The following MICAL2 variants were observed in gnomAD, a reference collection of about 807,000 sequenced individuals.
MICAL2 encodes [F-actin]-monooxygenase MICAL2.
MICAL2 carries 77 observed loss-of-function variants against 127.3 expected under a neutral mutation model. The ratio of observed to expected loss-of-function variants is 0.60; its 90% CI spans 0.50 to 0.73. The LOEUF (loss-of-function observed/expected upper bound fraction) is 0.73, where lower values mean the gene tolerates loss of function less well. Ranked by LOEUF, MICAL2 falls within the 30% of genes least tolerant of loss-of-function variation. MICAL2 has a pLI of 0.00. For synonymous variants in MICAL2, 570 were observed against 551.1 expected (o/e 1.03, Z -0.48); for missense variants, 1,351 against 1,434.4 (o/e 0.94, Z 0.94).
In MICAL2 at chr11:12,160,113, C is replaced by T. The variant is rs79142992; in HGVS notation, c.-77-1966C>T. Reference sequence around the variant, plus strand: ...AGTGCCAGGCACCTCGGAAGCTCTCCGGGAAAGAGGGAAGGTCGGGTAGGG... The same window carrying T: ...AGTGCCAGGCACCTCGGAAGCTCTCTGGGAAAGAGGGAAGGTCGGGTAGGG... On this transcript the variant is annotated intron_variant, in intron 2 of 27. Coordinates refer to ENST00000683283, the MANE Select transcript of MICAL2 (RefSeq NM_001282663.2). Among the ~76,000 whole-genome samples, 439 of 152,228 alleles carry T rather than the reference C, an allele frequency of 2.9e-3. 8 individuals carry two copies. In the East Asian group the frequency reaches 0.047, roughly 16 times the overall value.
chr11:12,230,626 T>G (rs1437478346), intron 15 of MICAL2, among the ~76,000 whole-genome samples: 1 of 152,214 alleles, frequency 6.6e-6, no homozygotes, highest in African/African-American at 2.4e-5. Flanking sequence ...TGTGGCATCT[T>G]CATCTGAAGA....
chr11:12,157,530 G>A (rs984323103), intron 2 of MICAL2, among the ~76,000 whole-genome samples: 1 of 152,130 alleles, frequency 6.6e-6, no homozygotes, highest in East Asian at 1.9e-4. Flanking sequence ...GGCTATTCTT[G>A]GAAACTTAAA....
At chr11:12,295,201 A>G (rs1431720742), downstream of MICAL2, among the ~76,000 whole-genome samples, 2 of 150,214 alleles carry the variant, frequency 1.3e-5, no homozygotes, top group African/African-American at 4.9e-5. Context: ...GTGCAGTGGC[A>G]TGATCCCAGC....
At chr11:12,257,145 C>A in intron 24 of MICAL2, 174 bp downstream of exon 24, 1 of 688,638 alleles carries the variant, frequency 1.5e-6, no homozygotes, top group Non-Finnish European at 2.3e-6. Context: ...GAAGGGGAGG[C>A]TGCCTGTGGT....
chr11:12,283,136 A>G (rs1863789599), intron 2 of MICAL2, among the ~76,000 whole-genome samples: 1 of 152,226 alleles, frequency 6.6e-6, no homozygotes, highest in African/African-American at 2.4e-5. Context: ...GCTCTCTGGC[A>G]CAGGTCTAAG....
chr11:12,221,015 A>G (rs775921560), intron 9 of MICAL2, among the ~76,000 whole-genome samples: 2 of 152,222 alleles, frequency 1.3e-5, no homozygotes, highest in African/African-American at 2.4e-5. Context: ...CCAAGTTAAG[A>G]GTCAAATTCC....
In MICAL2 at chr11:12,220,130, G is replaced by A; in HGVS notation, c.949-71G>A. ...GTAGGGACCCATTCCAAGTCCTTTTGCCAAGAGGTGGGTATGAAGGCTAGC... is the reference window on the plus strand; with the variant it reads ...GTAGGGACCCATTCCAAGTCCTTTTACCAAGAGGTGGGTATGAAGGCTAGC... On this transcript the variant is annotated intron_variant, in intron 8 of 27. Coordinates refer to ENST00000683283, the MANE Select transcript of MICAL2 (RefSeq NM_001282663.2). The A allele has an allele frequency of 7.0e-6, 11 of 1,581,804 alleles. 1 individual carries two copies. In the South Asian group the frequency reaches 1.1e-4, roughly 16 times the overall value.
intron 32 of MICAL2, among the ~76,000 whole-genome samples, chr11:12,336,742 T>A (rs1938771354): frequency 6.6e-6 from 1 of 152,144 alleles, no homozygotes. Flanking sequence ...TCTGTTTATA[T>A]GCTGGATTAT....
At chr11:12,347,378 G>A (rs1363594419) in intron 32 of MICAL2, among the ~76,000 whole-genome samples, 1 of 152,004 alleles carries the variant, frequency 6.6e-6, no homozygotes, top group Non-Finnish European at 1.5e-5. Flanking sequence ...TTTTTGGTAG[G>A]CACAATGCCT....
intron 26 of MICAL2, chr11:12,260,737 C>G: frequency 1.0e-6 from 1 of 985,500 alleles, no homozygotes; most frequent in Non-Finnish European, 1.2e-6. Flanking sequence ...ATTCAACTTA[C>G]AGAAGCACGG....
intron 1 of MICAL2, among the ~76,000 whole-genome samples, chr11:12,279,240 T>C (rs1863748515): frequency 1.3e-5 from 2 of 152,072 alleles, no homozygotes; most frequent in South Asian, 2.1e-4. Flanking sequence ...GTCGGATATG[T>C]ATAGAGAAAT....
At chr11:12,166,046 C>T (rs928725548) in intron 3 of MICAL2, among the ~76,000 whole-genome samples, 2 of 152,128 alleles carry the variant, frequency 1.3e-5, no homozygotes, top group African/African-American at 2.4e-5. Flanking sequence ...ACACCTGACT[C>T]GAATGTTACA....
intron 1 of MICAL2, among the ~76,000 whole-genome samples, chr11:12,279,131 CA>C (rs1292936697): frequency 1.3e-5 from 2 of 152,090 alleles, no homozygotes; most frequent in East Asian, 3.9e-4. Context: ...CACTGGGGAG[CA>C]AAGGAACCAG....
chr11:12,303,445 G>C (rs549226049), intron 29 of MICAL2: 1 of 151,998 alleles, frequency 6.6e-6, no homozygotes, highest in Non-Finnish European at 1.5e-5. Flanking sequence ...AGTGTAAAAT[G>C]GTTTTCTATT....
intron 32 of MICAL2, among the ~76,000 whole-genome samples, chr11:12,343,421 A>C (rs1023931612): frequency 6.6e-6 from 1 of 151,432 alleles, no homozygotes; most frequent in African/African-American, 2.4e-5. Context: ...AAAAAAAAAA[A>C]AAACTGTAGC....
intron 1 of MICAL2, among the ~76,000 whole-genome samples, chr11:12,115,138 C>T (rs1461273122): frequency 1.3e-5 from 2 of 152,210 alleles, no homozygotes; most frequent in African/African-American, 4.8e-5. Context: ...ACTATTCATC[C>T]ACAACTGGGG....
chr11:12,330,613 G>T (rs902153255), intron 32 of MICAL2, among the ~76,000 whole-genome samples: 1 of 152,074 alleles, frequency 6.6e-6, no homozygotes, highest in African/African-American at 2.4e-5. Context: ...GCTTTGATGA[G>T]CTCCTCATTG....
intron 1 of MICAL2, among the ~76,000 whole-genome samples, chr11:12,114,762 G>A (rs907800642): frequency 6.6e-6 from 1 of 152,200 alleles, no homozygotes; most frequent in Non-Finnish European, 1.5e-5. Flanking sequence ...CTTACGTGTG[G>A]ACGTTTCCTC....
chr11:12,277,772 T>G (rs1863736816), intron 1 of MICAL2, among the ~76,000 whole-genome samples: 1 of 152,180 alleles, frequency 6.6e-6, no homozygotes, highest in African/African-American at 2.4e-5. Flanking sequence ...CTAAGAAATG[T>G]GTTATCAGGT....
Sources: gnomAD v4.1 joint callset for allele counts (sites outside exome capture counted in the v4.1 genomes callset) on GRCh38, gnomAD v4.1.1 for gene constraint, MANE v1.5 for transcripts, NCBI Gene and HGNC (gene_info 2026-07-23, HGNC 2026-07-21) for gene names.